The following CCDC85A variants were observed in gnomAD, a reference collection of about 807,000 sequenced individuals.
CCDC85A encodes coiled-coil domain containing 85A.
A neutral mutation model predicts 50.2 loss-of-function variants in CCDC85A; 38 were observed. The ratio of observed to expected loss-of-function variants is 0.76; its 90% confidence interval spans 0.58 to 0.99. The LOEUF is 0.99. Ranked by LOEUF, CCDC85A falls within the 50% of genes least tolerant of loss-of-function variation. The probability of loss-of-function intolerance (pLI) is 0.00; values close to 1 mark genes in which losing one functional copy is unlikely to be tolerated. For synonymous variants in CCDC85A, 366 were observed against 301.4 expected, an observed-to-expected ratio of 1.21 and a Z score of -2.22; for missense variants, 820 against 742.0, an observed-to-expected ratio of 1.11 and a Z score of -1.22.
chr2:56,376,368 T>C (rs1236111167), intron 5 of CCDC85A, among the ~76,000 whole-genome samples: 1 of 152,144 alleles, frequency 6.6e-6, no homozygotes, highest in Non-Finnish European at 1.5e-5. Flanking sequence ...GCAACTTAAA[T>C]AAAATATTGA....
In CCDC85A at chr2:56,193,205, C is replaced by T. The variant is rs541674872; in HGVS notation, c.1005C>T (p.Ser335=). 9.3e-6 allele frequency: 15 copies of T among 1,613,756 alleles called. 1 individual carries two copies. The South Asian group carries it at 1.5e-4, about 17-fold the overall frequency. The change falls in exon 2 of 6, where the codon AGC becomes AGT. Residue 335 remains serine (S), a synonymous_variant. Coordinates refer to ENST00000407595, the MANE Select transcript of CCDC85A (RefSeq NM_001080433.2). ...SPEHARHSGG[S]PEHLQKHALG... ...AACACGCCAGGCACAGTGGAGGGAG[C>T]CCGGAGCATCTTCAGAAACACGCTC...
At chr2:56,350,422 T>C (rs1043977197) in intron 3 of CCDC85A, among the ~76,000 whole-genome samples, 1 of 152,160 alleles carries the variant, frequency 6.6e-6, no homozygotes, top group Non-Finnish European at 1.5e-5. Context: ...AATACAAAAA[T>C]TAGCAGGGTA....
At chr2:56,369,013 T>C (rs891133359) in intron 3 of CCDC85A, among the ~76,000 whole-genome samples, 1 of 152,070 alleles carries the variant, frequency 6.6e-6, no homozygotes, top group African/African-American at 2.4e-5. Flanking sequence ...ATTTTTTAGG[T>C]AATTTTCCCT....
At chr2:56,347,195 G>A (rs527904823) in intron 3 of CCDC85A, among the ~76,000 whole-genome samples, 51 of 152,278 alleles carry the variant, frequency 3.3e-4, no homozygotes, top group Non-Finnish European at 6.3e-4. Context: ...AGAACCTTAT[G>A]TGTCACATAG....
At chr2:56,236,018 A>G (rs1668998882) in intron 2 of CCDC85A, among the ~76,000 whole-genome samples, 1 of 152,200 alleles carries the variant, frequency 6.6e-6, no homozygotes, top group Non-Finnish European at 1.5e-5. Context: ...AAGTATGAAT[A>G]AAAAAGAGTG....
intron 2 of CCDC85A, among the ~76,000 whole-genome samples, chr2:56,240,865 G>T (rs1208385701): frequency 2.0e-5 from 3 of 152,118 alleles, no homozygotes; most frequent in African/African-American, 7.2e-5. Context: ...AAGTGTTTGT[G>T]TGAACTGTTG....
chr2:56,333,245 C>T (rs1163398825), intron 2 of CCDC85A, among the ~76,000 whole-genome samples: 1 of 152,048 alleles, frequency 6.6e-6, no homozygotes, highest in Non-Finnish European at 1.5e-5. Context: ...GAGGACTGGG[C>T]ACGTCTCAAT....
chr2:56,207,161 T>C (rs999511793), intron 2 of CCDC85A, among the ~76,000 whole-genome samples: 4 of 152,214 alleles, frequency 2.6e-5, no homozygotes, highest in Non-Finnish European at 5.9e-5. Flanking sequence ...TTGATGTTTT[T>C]CCACTTTAGT....
intron 3 of CCDC85A, among the ~76,000 whole-genome samples, chr2:56,368,044 AC>A (rs1376045115): frequency 2.6e-5 from 4 of 151,888 alleles, no homozygotes; most frequent in Non-Finnish European, 4.4e-5. Context: ...TGTGATTTGA[AC>A]TCACTGTGTT....
At chr2:56,269,565 C>T (rs533620885) in intron 2 of CCDC85A, among the ~76,000 whole-genome samples, 1 of 152,102 alleles carries the variant, frequency 6.6e-6, no homozygotes, top group African/African-American at 2.4e-5. Context: ...TTTGCTAACA[C>T]GTATTGAGGA....
chr2:56,278,286 T>G (rs1322195152), intron 2 of CCDC85A, among the ~76,000 whole-genome samples: 2 of 152,220 alleles, frequency 1.3e-5, no homozygotes, highest in Admixed American at 6.5e-5. Flanking sequence ...TTTTTTTCTT[T>G]TAAGTCTGAA....
Position 56,304,484 on chromosome 2 carries a change from G to C in CCDC85A, c.1241-38395G>C, listed in dbSNP as rs114068224. ...CACCGGGCCAAGTAGACTTAATTAT[G>C]AGACTAAGTGACTTTATTTGCATCT... On this transcript the variant is annotated intron_variant, in intron 2 of 5. Coordinates refer to ENST00000407595, the MANE Select transcript of CCDC85A (RefSeq NM_001080433.2). Among the ~76,000 whole-genome samples the C allele has an allele frequency of 3.9e-3, 592 of 152,304 alleles. 3 individuals carry two copies. Among genetic ancestry groups the C allele is most frequent in the African/African-American group, 0.014 (566 of 41,566 alleles).
intron 2 of CCDC85A, among the ~76,000 whole-genome samples, chr2:56,290,113 T>C (rs1184408417): frequency 1.3e-5 from 2 of 152,200 alleles, no homozygotes; most frequent in African/African-American, 4.8e-5. Flanking sequence ...AATTCTCTTC[T>C]TTTATTCTTG....
At chr2:56,339,534 T>G (rs558306667) in intron 2 of CCDC85A, among the ~76,000 whole-genome samples, 1 of 152,348 alleles carries the variant, frequency 6.6e-6, no homozygotes, top group African/African-American at 2.4e-5. Flanking sequence ...TTAAAACAAA[T>G]TCCGTTCAAT....
intron 2 of CCDC85A, among the ~76,000 whole-genome samples, chr2:56,339,418 T>C (rs1674246414): frequency 6.6e-6 from 1 of 152,186 alleles, no homozygotes; most frequent in Admixed American, 6.5e-5. Context: ...TGAACTGACA[T>C]AATACTTTCA....
chr2:56,375,775 G>A (rs1489477971), intron 4 of CCDC85A, 41 bp from the exon 5 acceptor site: 4 of 1,600,450 alleles, frequency 2.5e-6, no homozygotes, highest in East Asian at 2.2e-5. Context: ...AGTTATAAAC[G>A]ACTTTTGTTT....
intron 2 of CCDC85A, among the ~76,000 whole-genome samples, chr2:56,294,257 G>T (rs534361458): frequency 4.4e-4 from 67 of 152,064 alleles, no homozygotes; most frequent in African/African-American, 1.6e-3. Context: ...TGGACACAAG[G>T]AGGAGAACAA....
intron 3 of CCDC85A, among the ~76,000 whole-genome samples, chr2:56,359,648 C>A (rs1573336902): frequency 6.6e-6 from 1 of 152,230 alleles, no homozygotes; most frequent in South Asian, 2.1e-4. Context: ...TGAAGAAAAC[C>A]ATTTCTGGCT....
At chr2:56,382,852 G>T (rs1413146274) in intron 5 of CCDC85A, among the ~76,000 whole-genome samples, 3 of 151,966 alleles carry the variant, frequency 2.0e-5, no homozygotes, top group African/African-American at 7.2e-5. Flanking sequence ...TCTACCCTCT[G>T]CTTCTAAACC....
Sources: allele counts gnomAD v4.1 joint callset (sites outside exome capture counted in the v4.1 genomes callset), GRCh38; gene constraint gnomAD v4.1.1; transcripts MANE v1.5; gene names NCBI Gene and HGNC (gene_info 2026-07-23, HGNC 2026-07-21).